PHRF1: variants seen among roughly 807,000 people sequenced by gnomAD.
The protein encoded by PHRF1 is PHD and ring finger domains 1, also known as PHD and RING finger domain-containing protein 1.
In PHRF1, 53 loss-of-function variants were observed where a neutral mutation model predicts 128.9. The observed-to-expected ratio is 0.41, with a 90% CI of 0.33 to 0.52. PHRF1 has a LOEUF of 0.52. Ranked by LOEUF, PHRF1 falls within the 20% of genes least tolerant of loss-of-function variation. The pLI is 0.21. For missense variants in PHRF1, 2,503 were observed against 2,284.5 expected, an observed-to-expected ratio of 1.10 and a Z score of -1.95; for synonymous variants, 1,178 against 980.6, an observed-to-expected ratio of 1.20 and a Z score of -3.76.
In PHRF1 at chr11:611,624, C is replaced by CT. The variant is rs1302355289; in HGVS notation, c.4807-7dup. On this transcript the variant is annotated splice_polypyrimidine_tract_variant and intron_variant, in intron 17 of 17. Coordinates refer to ENST00000264555, the MANE Select transcript of PHRF1 (RefSeq NM_001286581.2). ...GAAAGGGCATTTGGTGATTGCACCT[C>CT]TTTCTCCAGATCTGCCACAGCAAGA... 5 of 1,612,762 alleles carry CT rather than the reference C, an allele frequency of 3.1e-6. No individual in the cohort carries two copies. The East Asian group carries it at 6.7e-5, about 22-fold the overall frequency.
rs377188736 is a variant in PHRF1 at position 608,090 on chromosome 11, C to G, written c.2634C>G (p.Cys878Trp). The G allele has an allele frequency of 4.5e-5, 72 of 1,611,596 alleles. No homozygotes were observed. Among genetic ancestry groups the G allele is most frequent in the Non-Finnish European group, 5.4e-5 (64 of 1,179,878 alleles). Residue 878 changes from cysteine (C) to tryptophan (W), a missense_variant, in exon 14 of 18, where the codon TGC becomes TGG. Cys to Trp is a radical substitution (Grantham distance 215). Coordinates refer to ENST00000264555, the MANE Select transcript of PHRF1 (RefSeq NM_001286581.2). The part of the protein sequence containing the change: ...PKAQTVQAVR[C>W]VTSYTVESIF... Reference sequence around the variant, plus strand: ...CCCAGACGGTGCAGGCTGTGCGCTGCGTCACCTCCTACACGGTGGAGAGCA... The same window carrying G: ...CCCAGACGGTGCAGGCTGTGCGCTGGGTCACCTCCTACACGGTGGAGAGCA...
At position 597,716 on chromosome 11, in the gene PHRF1, C is replaced by T; in HGVS notation, c.894+146C>T. The T allele has an allele frequency of 1.8e-6, 2 of 1,118,208 alleles. No individual in the cohort carries two copies. Among genetic ancestry groups the T allele is most frequent in the Non-Finnish European group, 1.3e-6 (1 of 797,370 alleles). The allele number at this position is 1,118,208 out of a possible 1,614,324, so 69.3% of individuals were successfully genotyped here. On this transcript the variant is annotated intron_variant, in intron 8 of 17. Transcript: ENST00000264555. The surrounding 1 kb of genome is among the most constrained non-coding windows in gnomAD (Gnocchi z 6.5). ...ATGTTGTTCGGCCTGCTGAGGGGAG[C>T]AGATGAGTGCACCCCAGGGTGACCC...
In PHRF1 at chr11:608,815, G is replaced by T. The variant is rs752229033; in HGVS notation, c.3359G>T (p.Gly1120Val). Residue 1120 changes from glycine (G) to valine (V), a missense_variant, in exon 14 of 18, where the codon GGA becomes GTA. Gly to Val is a moderately radical substitution (Grantham distance 109). Coordinates refer to ENST00000264555, the MANE Select transcript of PHRF1 (RefSeq NM_001286581.2). ...KKRRSASRPR[G>V]RECSPTSSLE... ...AGGAGATCAGCGTCCAGACCTCGGG[G>T]AAGGGAGTGCTCCCCCACCAGCAGC... 92 of 1,611,950 alleles carry T rather than the reference G, an allele frequency of 5.7e-5. No homozygotes were observed. Among genetic ancestry groups the T allele is most frequent in the Non-Finnish European group, 6.8e-6 (8 of 1,179,812 alleles).
At position 612,064 on chromosome 11, in the gene PHRF1, CTT is replaced by C; in HGVS notation, c.*288_*289del. 1 of 463,760 alleles carries C rather than the reference CTT, an allele frequency of 2.2e-6. No homozygotes were observed. The highest frequency in any genetic ancestry group is 3.8e-6 in the Non-Finnish European group (1 of 263,366). The allele number at this position is 463,760 out of a possible 1,614,324, so 28.7% of individuals were successfully genotyped here. A position where few individuals can be genotyped will look rare whatever the true frequency, so the allele number is the denominator to read the frequency against. On this transcript the variant is annotated 3_prime_UTR_variant, in exon 18 of 18. Coordinates refer to ENST00000264555, the MANE Select transcript of PHRF1 (RefSeq NM_001286581.2). ...AAAAATGGATTATCTTTAGAAACCT[CTT>C]GATTGACTTACTACTTGGAAGATAA...
chr11:590,399 C>T (rs549203835), intron 4 of PHRF1, among the ~76,000 whole-genome samples: 3 of 152,278 alleles, frequency 2.0e-5, no homozygotes, highest in Admixed American at 6.5e-5. Flanking sequence ...GGGCAGAATG[C>T]CATGAGCAGA....
At chr11:591,912 G>GTT (rs61391789) in intron 5 of PHRF1, among the ~76,000 whole-genome samples, 33 of 132,724 alleles carry the variant, frequency 2.5e-4, no homozygotes, top group South Asian at 4.9e-4. Context: ...ACACCCGGCT[G>GTT]TTTTTTTTTT....
intron 6 of PHRF1, among the ~76,000 whole-genome samples, chr11:594,735 T>A (rs1855182581): frequency 6.6e-6 from 1 of 152,206 alleles, no homozygotes. Flanking sequence ...GTGCTGAGAT[T>A]AAAGGCGTGA....
chr11:601,362 G>T (rs1203016613), intron 9 of PHRF1, among the ~76,000 whole-genome samples: 1 of 151,842 alleles, frequency 6.6e-6, no homozygotes. Context: ...CCAGGAGTTG[G>T]AGGCTGCTGT....
rs764330134 is a variant in PHRF1, at chr11:609,539, G to C, written c.4083G>C (p.Pro1361=). ...AGAAGGCTGAGGCACCCAGTTCCCCGGATGTGGCGCCTGCGGGGAAGGAAG... is the reference window on the plus strand; with the variant it reads ...AGAAGGCTGAGGCACCCAGTTCCCCCGATGTGGCGCCTGCGGGGAAGGAAG... ...AAEKAEAPSS[P]DVAPAGKEDS... The change falls in exon 14 of 18, where the codon CCG becomes CCC. Residue 1361 remains proline, a synonymous_variant. Coordinates refer to ENST00000264555, the MANE Select transcript of PHRF1 (RefSeq NM_001286581.2). The C allele has an allele frequency of 6.2e-7, 1 of 1,600,122 alleles. No homozygotes were observed. The highest frequency in any genetic ancestry group is 8.5e-7 in the Non-Finnish European group (1 of 1,175,754).
chr11:610,098 T>C, intron 14 of PHRF1, 98 bp from the exon 15 acceptor site: 15 of 1,421,504 alleles, frequency 1.1e-5, no homozygotes, highest in African/African-American at 1.4e-5. Context: ...TCTGTGGTCC[T>C]TGCTCCTGGT....
In PHRF1 at chr11:609,131, A is replaced by G; in HGVS notation, c.3675A>G (p.Glu1225=). The G allele has an allele frequency of 6.2e-7, 1 of 1,606,360 alleles. No homozygotes were observed. The highest frequency in any genetic ancestry group is 1.1e-5 in the South Asian group (1 of 91,034). ...DLPTRLPALG[E]AHVSPEVATA... Reference sequence around the variant, plus strand: ...CCACCAGGTTGCCAGCCTTGGGGGAAGCACATGTCTCGCCGGAGGTGGCTA... The same window carrying G: ...CCACCAGGTTGCCAGCCTTGGGGGAGGCACATGTCTCGCCGGAGGTGGCTA... The change falls in exon 14 of 18, where the codon GAA becomes GAG. Residue 1225 remains glutamate (E), a synonymous_variant. Coordinates refer to ENST00000264555, the MANE Select transcript of PHRF1 (RefSeq NM_001286581.2).
At chr11:601,300 C>G (rs1855609709) in intron 9 of PHRF1, among the ~76,000 whole-genome samples, 1 of 147,700 alleles carries the variant, frequency 6.8e-6, no homozygotes. Flanking sequence ...ACGGTGGTGC[C>G]TACCTGTAGT....
In PHRF1 at chr11:609,505, A is replaced by C. The variant is rs779819079; in HGVS notation, c.4049A>C (p.Asp1350Ala). 6.2e-7 allele frequency: 1 copy of C among 1,603,490 alleles called. No individual in the cohort carries two copies. The highest frequency in any genetic ancestry group is 1.1e-5 in the South Asian group (1 of 90,404). Residue 1350 changes from aspartate to alanine, a missense_variant, in exon 14 of 18, where the codon GAC becomes GCC. Asp to Ala is a moderately radical substitution (Grantham distance 126, BLOSUM62 -2). Coordinates refer to ENST00000264555, the MANE Select transcript of PHRF1 (RefSeq NM_001286581.2). ...CAGGAGCCACATTTGCTCAGGCCGG[A>C]CGCGGCTGAGAAGGCTGAGGCACCC... ...GTQEPHLLRP[D>A]AAEKAEAPSS...
intron 4 of PHRF1, among the ~76,000 whole-genome samples, chr11:590,787 T>C (rs1854925470): frequency 6.6e-6 from 1 of 152,152 alleles, no homozygotes; most frequent in Admixed American, 6.5e-5. Flanking sequence ...CACCGCAACC[T>C]CAGCCTCTCG....
intron 4 of PHRF1, among the ~76,000 whole-genome samples, chr11:587,732 A>G (rs1355329502): frequency 1.3e-5 from 2 of 151,742 alleles, no homozygotes; most frequent in Non-Finnish European, 1.5e-5. Flanking sequence ...AGCTGCAGAA[A>G]CCCTGGTTGA....
In PHRF1 at chr11:609,528, C is replaced by T. The variant is rs1182441202; in HGVS notation, c.4072C>T (p.Pro1358Ser). Reference protein sequence around the residue: ...RPDAAEKAEAPSSPDVAPAGK... With the variant: ...RPDAAEKAEASSSPDVAPAGK... ...GGACGCGGCTGAGAAGGCTGAGGCACCCAGTTCCCCGGATGTGGCGCCTGC... is the reference window on the plus strand; with the variant it reads ...GGACGCGGCTGAGAAGGCTGAGGCATCCAGTTCCCCGGATGTGGCGCCTGC... The change falls in exon 14 of 18, where the codon CCC becomes TCC. Residue 1358 changes from proline (P) to serine (S), a missense_variant. Physicochemically the swap from Pro to Ser is moderately conservative, Grantham distance 74. Coordinates refer to ENST00000264555, the MANE Select transcript of PHRF1 (RefSeq NM_001286581.2). The T allele has an allele frequency of 6.2e-7, 1 of 1,601,168 alleles. No homozygotes were observed. The highest frequency in any genetic ancestry group is 8.5e-7 in the Non-Finnish European group (1 of 1,176,494).
intron 6 of PHRF1, among the ~76,000 whole-genome samples, chr11:595,279 C>T (rs1166112581): frequency 1.3e-5 from 2 of 152,144 alleles, no homozygotes; most frequent in Non-Finnish European, 2.9e-5. Flanking sequence ...GCCGAGATTG[C>T]GCCACTGCAC....
chr11:586,718 C>T (rs765702513), intron 3 of PHRF1, among the ~76,000 whole-genome samples: 6 of 152,186 alleles, frequency 3.9e-5, no homozygotes, highest in African/African-American at 1.4e-4. Context: ...TTGGCCAGAA[C>T]GGTTGTGGTT....
intron 4 of PHRF1, among the ~76,000 whole-genome samples, chr11:588,690 T>C (rs1035395072): frequency 3.3e-5 from 5 of 152,182 alleles, no homozygotes; most frequent in Non-Finnish European, 7.3e-5. Context: ...TTTTTATTTT[T>C]ATTTTTTTTT....
Sources: allele counts gnomAD v4.1 joint callset (sites outside exome capture counted in the v4.1 genomes callset), GRCh38; gene constraint gnomAD v4.1.1; non-coding constraint Gnocchi (gnomAD v3.1); transcripts MANE v1.5; gene names NCBI Gene and HGNC (gene_info 2026-07-23, HGNC 2026-07-21).